Variants in NUBPL observed in about 807,000 individuals in gnomAD.
The protein encoded by NUBPL is NUBP iron-sulfur cluster assembly factor, mitochondrial, also known as iron-sulfur cluster transfer protein NUBPL.
A neutral mutation model predicts 45.7 loss-of-function variants in NUBPL; 31 were observed. That is an observed-to-expected ratio of 0.68 (90% CI 0.51 to 0.92). The LOEUF (loss-of-function observed/expected upper bound fraction) is 0.92. NUBPL is among the 40% of genes least tolerant of loss of function. The pLI, the probability that NUBPL is intolerant of heterozygous loss-of-function variation, is 0.00. For synonymous variants in NUBPL, 144 were observed against 140.9 expected (o/e 1.02, Z -0.15); for missense variants, 401 against 398.7 (o/e 1.01, Z -0.05).
intron 6 of NUBPL, among the ~76,000 whole-genome samples, chr14:31,710,338 G>A (rs1263263044): frequency 2.0e-5 from 3 of 151,900 alleles, no homozygotes; most frequent in Non-Finnish European, 2.9e-5. Context: ...TGCACTCACC[G>A]ATGCAGCAGC....
rs2033298750 is a variant in NUBPL at position 31,562,064 on chromosome 14, A to G, written c.109-4A>G. 6.4e-7 allele frequency: 1 copy of G among 1,572,194 alleles called. No individual in the cohort carries two copies. Among genetic ancestry groups the G allele is most frequent in the Admixed American group, 1.9e-5 (1 of 53,832 alleles). On this transcript the variant is annotated splice_polypyrimidine_tract_variant and splice_region_variant and intron_variant, in intron 1 of 10. Coordinates refer to ENST00000281081, the MANE Select transcript of NUBPL (RefSeq NM_025152.3). ...CGGCTTTTTATTATTATTATTTTTT[A>G]AAGTTGTCTGGCGCCGGGAGTGAGA...
chr14:31,652,335 T>C (rs888866418), intron 4 of NUBPL, among the ~76,000 whole-genome samples: 12 of 152,204 alleles, frequency 7.9e-5, no homozygotes, highest in Admixed American at 6.5e-4. Flanking sequence ...ACACAAAGTT[T>C]CAGTTAGGTA....
At chr14:31,598,833 A>T (rs1392188793) in intron 3 of NUBPL, among the ~76,000 whole-genome samples, 1 of 152,124 alleles carries the variant, frequency 6.6e-6, no homozygotes, top group Admixed American at 6.5e-5. Context: ...TGTTTCCATG[A>T]TCTTTTTTTA....
intron 7 of NUBPL, among the ~76,000 whole-genome samples, chr14:31,800,139 C>G (rs963294973): frequency 6.6e-6 from 1 of 152,194 alleles, no homozygotes. Flanking sequence ...TCAATCACAT[C>G]TTCAGATCCC....
At chr14:31,771,294 C>A (rs950279072) in intron 6 of NUBPL, among the ~76,000 whole-genome samples, 5 of 151,710 alleles carry the variant, frequency 3.3e-5, no homozygotes, top group Non-Finnish European at 7.4e-5. Flanking sequence ...CCATTAAAAA[C>A]ATATTCAGAA....
intron 6 of NUBPL, among the ~76,000 whole-genome samples, chr14:31,712,857 T>C (rs1032519457): frequency 6.6e-6 from 1 of 152,072 alleles, no homozygotes. Context: ...CAACTAAAAT[T>C]GGGGGTTTAT....
intron 4 of NUBPL, among the ~76,000 whole-genome samples, chr14:31,658,637 T>C (rs2036197912): frequency 6.6e-6 from 1 of 151,976 alleles, no homozygotes; most frequent in African/African-American, 2.4e-5. Flanking sequence ...CTCAGCCTCC[T>C]GAGTAGCTGG....
At chr14:31,837,336 A>G (rs2040298172) in intron 8 of NUBPL, among the ~76,000 whole-genome samples, 1 of 152,194 alleles carries the variant, frequency 6.6e-6, no homozygotes. Flanking sequence ...GTTTCAAAAA[A>G]AACAAAAATT....
chr14:31,822,177 T>C (rs2040028557), intron 7 of NUBPL, among the ~76,000 whole-genome samples: 1 of 152,120 alleles, frequency 6.6e-6, no homozygotes, highest in African/African-American at 2.4e-5. Context: ...TTTTAAAATA[T>C]CGAAAAGTTT....
At chr14:31,821,405 G>A (rs7142429) in intron 7 of NUBPL, among the ~76,000 whole-genome samples, 50,249 of 152,050 alleles carry the variant, frequency 0.33, 9,621 homozygotes, top group South Asian at 0.44. Context: ...GTGAAAAGAA[G>A]TCATACAGTG....
At chr14:31,627,230 TA>T (rs967816375) in intron 4 of NUBPL, among the ~76,000 whole-genome samples, 3 of 151,498 alleles carry the variant, frequency 2.0e-5, no homozygotes, top group Non-Finnish European at 4.4e-5. Context: ...CTTTACTTTT[TA>T]AAAAAAAACT....
At chr14:31,810,859 T>C (rs1472039018) in intron 7 of NUBPL, among the ~76,000 whole-genome samples, 3 of 152,212 alleles carry the variant, frequency 2.0e-5, no homozygotes, top group Non-Finnish European at 4.4e-5. Context: ...AAGGATTTTA[T>C]TTCTCCTTCC....
intron 3 of NUBPL, among the ~76,000 whole-genome samples, chr14:31,587,781 A>G (rs564442220): frequency 6.6e-6 from 1 of 152,204 alleles, no homozygotes; most frequent in Non-Finnish European, 1.5e-5. Flanking sequence ...CTCATGTAAA[A>G]CCTTAAACTA....
chr14:31,730,404 T>C (rs1404516339), intron 6 of NUBPL, among the ~76,000 whole-genome samples: 3 of 152,100 alleles, frequency 2.0e-5, no homozygotes, highest in Non-Finnish European at 4.4e-5. Flanking sequence ...TTAATGCTAA[T>C]TTGGCTCTCC....
chr14:31,837,973 A>T (rs1036228343), intron 8 of NUBPL, among the ~76,000 whole-genome samples: 1 of 152,030 alleles, frequency 6.6e-6, no homozygotes, highest in Non-Finnish European at 1.5e-5. Context: ...CTTCATTTCC[A>T]CCTTCCAGAT....
intron 8 of NUBPL, among the ~76,000 whole-genome samples, chr14:31,834,431 G>C (rs982178442): frequency 6.6e-6 from 1 of 152,068 alleles, no homozygotes; most frequent in Admixed American, 6.6e-5. Flanking sequence ...TGCCCACCTT[G>C]GCCTCCCAAA....
At chr14:31,641,340 C>G (rs1344716600) in intron 4 of NUBPL, among the ~76,000 whole-genome samples, 1 of 152,040 alleles carries the variant, frequency 6.6e-6, no homozygotes, top group South Asian at 2.1e-4. Context: ...TTCATCCCTT[C>G]TTGGCCTCTG....
intron 6 of NUBPL, among the ~76,000 whole-genome samples, chr14:31,727,842 G>A (rs1470288670): frequency 6.6e-6 from 1 of 151,950 alleles, no homozygotes; most frequent in African/African-American, 2.4e-5. Context: ...ATCACACTTT[G>A]TTTGTAACAT....
chr14:31,748,883 A>AT (rs998640387), intron 6 of NUBPL, among the ~76,000 whole-genome samples: 3 of 152,084 alleles, frequency 2.0e-5, no homozygotes, highest in African/African-American at 7.2e-5. Flanking sequence ...AAGTGCTAGG[A>AT]TTACAGGTGT....
Sources: gnomAD v4.1 joint callset for allele counts (sites outside exome capture counted in the v4.1 genomes callset) on GRCh38, gnomAD v4.1.1 for gene constraint, MANE v1.5 for transcripts, NCBI Gene and HGNC (gene_info 2026-07-23, HGNC 2026-07-21) for gene names.